Variants in MYOM2 observed in about 807,000 individuals in gnomAD.
MYOM2 encodes myomesin-2.
A neutral mutation model predicts 187.6 loss-of-function variants in MYOM2; 254 were observed. The observed-to-expected ratio is 1.35, with a 90% CI of 1.22 to 1.50. The LOEUF is 1.50. Ranked by LOEUF, MYOM2 falls within the 40% of genes most tolerant of loss-of-function variation. MYOM2 has a pLI of 0.00. For missense variants in MYOM2, 2,796 were observed against 1,924.0 expected (o/e 1.45, Z -8.48); for synonymous variants, 981 against 753.8 (o/e 1.30, Z -4.94).
intron 32 of MYOM2, among the ~76,000 whole-genome samples, chr8:2,136,084 G>A (rs927098412): frequency 7.9e-5 from 12 of 152,212 alleles, no homozygotes; most frequent in East Asian, 7.7e-4. Flanking sequence ...TGTCTGAGTC[G>A]TATCGAGGGA....
chr8:2,094,218 G>A, intron 17 of MYOM2, 127 bp downstream of exon 17: 1 of 1,248,448 alleles, frequency 8.0e-7, no homozygotes, highest in Non-Finnish European at 1.1e-6. Context: ...CCTGAACAGA[G>A]AACTTGAGTT....
intron 10 of MYOM2, among the ~76,000 whole-genome samples, chr8:2,073,908 C>T (rs1389814940): frequency 6.6e-6 from 1 of 152,164 alleles, no homozygotes; most frequent in African/African-American, 2.4e-5. Context: ...CTCATTCCCT[C>T]TGGACTTTGG....
intron 9 of MYOM2, among the ~76,000 whole-genome samples, chr8:2,072,718 C>CACT (rs1340573842): frequency 1.3e-5 from 2 of 152,210 alleles, no homozygotes; most frequent in Non-Finnish European, 2.9e-5. Flanking sequence ...GACCCCGAAC[C>CACT]TAGAGCAGCC....
At chr8:2,079,139 G>C (rs1819535447) in intron 12 of MYOM2, among the ~76,000 whole-genome samples, 1 of 152,142 alleles carries the variant, frequency 6.6e-6, no homozygotes, top group Non-Finnish European at 1.5e-5. Flanking sequence ...ACTCTAAAAT[G>C]AATGTGCCTC....
intron 13 of MYOM2, among the ~76,000 whole-genome samples, chr8:2,081,118 G>A (rs1329576411): frequency 1.5e-5 from 2 of 133,832 alleles, no homozygotes; most frequent in African/African-American, 3.0e-5. Flanking sequence ...AATGAGGTTG[G>A]TTCTGGCCTG....
chr8:2,102,593 A>G, intron 20 of MYOM2, 74 bp from the exon 21 acceptor site: 1 of 1,003,406 alleles, frequency 1.0e-6, no homozygotes, highest in Non-Finnish European at 1.5e-6. Context: ...CCCTATTCAC[A>G]ATAAAATGTG....
rs1797925815 is a variant in MYOM2 at position 2,132,918 on chromosome 8, A to G, written c.3800+3686A>G. ...CCTTCCCCGGCACATCTTCGTCCTT[A>G]TGTCCACAGGGTGGGAGGGGCAGTG... is the stretch of plus-strand genomic sequence containing the variant. On this transcript the variant is annotated intron_variant, in intron 32 of 36. Transcript: ENST00000262113. Among the ~76,000 whole-genome samples, 3 of 152,132 alleles carry G rather than the reference A, an allele frequency of 2.0e-5. No homozygotes were observed. The South Asian group carries it at 6.2e-4, about 31-fold the overall frequency.
chr8:2,068,927 T>G (rs892804993), intron 6 of MYOM2, among the ~76,000 whole-genome samples: 8 of 152,200 alleles, frequency 5.3e-5, no homozygotes, highest in Non-Finnish European at 1.5e-5. Flanking sequence ...GGCTGTCCAT[T>G]GACAAGATGA....
At chr8:2,115,936 C>T (rs1797227216) in intron 25 of MYOM2, 24 bp from the exon 26 acceptor site, 1 of 1,603,234 alleles carries the variant, frequency 6.2e-7, no homozygotes. Flanking sequence ...GTATAATTCT[C>T]CATTTCCCTT....
At chr8:2,058,097 C>T (rs1201353285) in intron 5 of MYOM2, among the ~76,000 whole-genome samples, 2 of 131,650 alleles carry the variant, frequency 1.5e-5, no homozygotes, top group Non-Finnish European at 1.5e-5. Context: ...CAGCTCAGTG[C>T]AATCTCCACT....
In MYOM2 at chr8:2,133,186, C is replaced by T. The variant is rs560393529; in HGVS notation, c.3800+3954C>T. Among the ~76,000 whole-genome samples, 8 of 152,324 alleles carry T rather than the reference C, an allele frequency of 5.3e-5. No homozygotes were observed. The East Asian group carries it at 1.4e-3, about 26-fold the overall frequency. Reference sequence around the variant, plus strand: ...AAAAGGCTGCTGGGTATGTTAAGGTCCCCTCAGGCTGTCCCATCTTGTGGG... The same window carrying T: ...AAAAGGCTGCTGGGTATGTTAAGGTTCCCTCAGGCTGTCCCATCTTGTGGG... On this transcript the variant is annotated intron_variant, in intron 32 of 36. Transcript: ENST00000262113.
chr8:2,109,937 A>C (rs1043257866), intron 25 of MYOM2, among the ~76,000 whole-genome samples: 1 of 152,190 alleles, frequency 6.6e-6, no homozygotes, highest in African/African-American at 2.4e-5. Flanking sequence ...TTCCCATGGA[A>C]GGCATCCGTG....
intron 13 of MYOM2, among the ~76,000 whole-genome samples, chr8:2,082,356 G>A (rs1819658676): frequency 6.6e-6 from 1 of 152,080 alleles, no homozygotes; most frequent in South Asian, 2.1e-4. Context: ...TTGCTATTAG[G>A]AAGTTCCCTT....
chr8:2,103,131 GGTGT>G (rs372463216), intron 21 of MYOM2, among the ~76,000 whole-genome samples: 18 of 114,052 alleles, frequency 1.6e-4, no homozygotes, highest in East Asian at 1.1e-3. Context: ...TGGGTGGGTG[GGTGT>G]GTGTGTAAAT....
At chr8:2,051,451 T>G (rs1818483432) in intron 2 of MYOM2, among the ~76,000 whole-genome samples, 1 of 152,088 alleles carries the variant, frequency 6.6e-6, no homozygotes, top group Admixed American at 6.5e-5. Context: ...GCAATCTTAA[T>G]GGGCTGATTG....
intron 13 of MYOM2, among the ~76,000 whole-genome samples, chr8:2,084,026 C>T (rs903537983): frequency 1.3e-5 from 2 of 152,250 alleles, no homozygotes; most frequent in Non-Finnish European, 2.9e-5. Flanking sequence ...CCTTCTGTCC[C>T]CTTGGTTTGC....
chr8:2,133,109 G>A (rs1014258638), intron 32 of MYOM2, among the ~76,000 whole-genome samples: 3 of 152,040 alleles, frequency 2.0e-5, no homozygotes, highest in African/African-American at 4.8e-5. Flanking sequence ...AGCACAGGGT[G>A]TTTCCAGTTC....
At chr8:2,128,657 T>G (rs1797740683) in intron 31 of MYOM2, among the ~76,000 whole-genome samples, 1 of 152,222 alleles carries the variant, frequency 6.6e-6, no homozygotes, top group Admixed American at 6.5e-5. Flanking sequence ...CTTTCCTTCC[T>G]CTGACCCAAG....
chr8:2,112,073 G>A (rs1262138437), intron 25 of MYOM2, among the ~76,000 whole-genome samples: 1 of 152,100 alleles, frequency 6.6e-6, no homozygotes, highest in Non-Finnish European at 1.5e-5. Context: ...TGGGAGCTTG[G>A]GCGGTCCTCT....
Sources: allele counts gnomAD v4.1 joint callset (sites outside exome capture counted in the v4.1 genomes callset), GRCh38; gene constraint gnomAD v4.1.1; transcripts MANE v1.5; gene names NCBI Gene and HGNC (gene_info 2026-07-23, HGNC 2026-07-21).